Variants in TENM2 observed in about 807,000 individuals in gnomAD.
TENM2 encodes teneurin transmembrane protein 2.
Under a neutral mutation model 245.2 loss-of-function variants are expected in TENM2, and 52 were observed. That is an observed-to-expected ratio of 0.21 (90% CI 0.17 to 0.27). TENM2 has a LOEUF of 0.27. Among genes scored for constraint, TENM2 ranks in the 10% least tolerant of loss-of-function variants. The pLI, the probability that TENM2 is intolerant of heterozygous loss-of-function variation, is 1.00. For synonymous variants in TENM2, 1,363 were observed against 1,438.9 expected (o/e 0.95, Z 1.19); for missense variants, 3,046 against 3,666.8 (o/e 0.83, Z 4.37).
chr5:167,402,682 G>T (rs1413841854), intron 2 of TENM2, among the ~76,000 whole-genome samples: 1 of 151,976 alleles, frequency 6.6e-6, no homozygotes, highest in Non-Finnish European at 1.5e-5. Flanking sequence ...TACACCAAAG[G>T]CATGCCACAG....
At chr5:167,156,903 T>C in the TENM2 span, among the ~76,000 whole-genome samples, 1 of 152,338 alleles carries the variant, frequency 6.6e-6, no homozygotes, top group South Asian at 2.1e-4. Context: ...GGGAGTCTAA[T>C]ACCAAGGGAG....
chr5:168,118,807 C>CCT (rs2152335744), intron 10 of TENM2, among the ~76,000 whole-genome samples: 1 of 152,168 alleles, frequency 6.6e-6, no homozygotes, highest in South Asian at 2.1e-4. Flanking sequence ...TTCTACTCCT[C>CCT]CTCCCCTTCC....
intron 12 of TENM2, among the ~76,000 whole-genome samples, chr5:168,146,979 G>A (rs1756145219): frequency 6.6e-6 from 1 of 152,190 alleles, no homozygotes; most frequent in African/African-American, 2.4e-5. Flanking sequence ...TGTGTCCTTG[G>A]TGATGGAGGA....
At chr5:167,199,141 G>A in the TENM2 span, among the ~76,000 whole-genome samples, 2 of 137,450 alleles carry the variant, frequency 1.5e-5, no homozygotes, top group Non-Finnish European at 3.1e-5. Context: ...GCATTGTATT[G>A]TATCCCCCTC....
exon 17 of TENM2, chr5:168,199,946 T>C (rs774830193): frequency 6.2e-7 from 1 of 1,614,008 alleles, no homozygotes; most frequent in Non-Finnish European, 8.5e-7. Context: ...TACAAGTCAC[T>C]GCTGAAGATC....
intron 2 of TENM2, among the ~76,000 whole-genome samples, chr5:167,824,630 A>G (rs1268316670): frequency 6.6e-6 from 1 of 152,168 alleles, no homozygotes; most frequent in Non-Finnish European, 1.5e-5. Context: ...AGATTGTACT[A>G]GAAAGATAAG....
intron 23 of TENM2, 62 bp downstream of exon 25, chr5:168,219,061 T>G: frequency 1.6e-5 from 24 of 1,507,798 alleles, no homozygotes; most frequent in Non-Finnish European, 2.1e-5. Flanking sequence ...GCATTAGGAC[T>G]GGGTCGCTTG....
At chr5:167,539,083 A>T (rs114012095) in intron 2 of TENM2, among the ~76,000 whole-genome samples, 2,518 of 152,236 alleles carry the variant, frequency 0.017, 46 homozygotes, top group Non-Finnish European at 0.024. Context: ...TCAATGCTGC[A>T]ATTAGATATA....
chr5:167,112,127 C>A, the TENM2 span, among the ~76,000 whole-genome samples: 4 of 152,128 alleles, frequency 2.6e-5, no homozygotes, highest in Non-Finnish European at 5.9e-5. Context: ...ATATATGACA[C>A]ACAGAAGCTG....
chr5:168,136,985 C>T (rs1044608059), intron 12 of TENM2, among the ~76,000 whole-genome samples: 1 of 152,204 alleles, frequency 6.6e-6, no homozygotes, highest in African/African-American at 2.4e-5. Flanking sequence ...TACATATCCC[C>T]TAGACTCCAG....
At chr5:167,010,771 A>C in the TENM2 span, among the ~76,000 whole-genome samples, 1 of 152,162 alleles carries the variant, frequency 6.6e-6, no homozygotes, top group Non-Finnish European at 1.5e-5. Context: ...TTGTGGCACA[A>C]ATTCTATGAA....
intron 2 of TENM2, among the ~76,000 whole-genome samples, chr5:167,681,223 C>T (rs549803700): frequency 3.1e-4 from 47 of 152,212 alleles, no homozygotes; most frequent in Non-Finnish European, 5.4e-4. Context: ...TATATGCACA[C>T]GGACACACAC....
At chr5:166,995,696 A>C in the TENM2 span, among the ~76,000 whole-genome samples, 4 of 150,894 alleles carry the variant, frequency 2.7e-5, no homozygotes, top group Non-Finnish European at 5.9e-5. Context: ...GGTGCCTATA[A>C]TCCCAGCTAC....
chr5:167,961,066 C>G (rs966044200), intron 4 of TENM2, among the ~76,000 whole-genome samples: 1 of 152,208 alleles, frequency 6.6e-6, no homozygotes, highest in Admixed American at 6.5e-5. Flanking sequence ...GAGCCTAGTA[C>G]TTCAGTTAGA....
chr5:167,723,732 C>T (rs1759798694), intron 2 of TENM2, among the ~76,000 whole-genome samples: 1 of 152,184 alleles, frequency 6.6e-6, no homozygotes, highest in African/African-American at 2.4e-5. Flanking sequence ...AAGGCTCCCT[C>T]CCTCTCTTCC....
At chr5:167,021,471 A>G in the TENM2 span, among the ~76,000 whole-genome samples, 2 of 152,238 alleles carry the variant, frequency 1.3e-5, no homozygotes, top group Non-Finnish European at 2.9e-5. Flanking sequence ...TCATAAAGCC[A>G]GTCACTTTAT....
chr5:167,617,286 T>C (rs544992695), intron 2 of TENM2, among the ~76,000 whole-genome samples: 9 of 152,252 alleles, frequency 5.9e-5, no homozygotes, highest in African/African-American at 2.2e-4. Flanking sequence ...ACTGGTGAAA[T>C]TCCAGTAAAG....
chr5:167,136,754 C>A, the TENM2 span, among the ~76,000 whole-genome samples: 18 of 152,042 alleles, frequency 1.2e-4, no homozygotes, highest in Admixed American at 1.0e-3. Context: ...CTTGGCCCAC[C>A]CTAATCTCAT....
downstream of TENM2, chr5:168,263,977 A>G (rs1297748425): frequency 6.6e-6 from 1 of 152,564 alleles, no homozygotes; most frequent in Non-Finnish European, 1.5e-5. Flanking sequence ...AAACAAAAAT[A>G]AAGTCTAATA....
Sources: gnomAD v4.1 joint callset for allele counts (sites outside exome capture counted in the v4.1 genomes callset) on GRCh38, gnomAD v4.1.1 for gene constraint, MANE v1.5 for transcripts, NCBI Gene and HGNC (gene_info 2026-07-23, HGNC 2026-07-21) for gene names.